Variants in RBM28 observed in about 807,000 individuals in gnomAD.
RBM28 encodes the protein RNA-binding protein 28.
RBM28 carries 78 observed loss-of-function variants against 98.3 expected under a neutral mutation model. The observed-to-expected ratio is 0.79, with a 90% CI of 0.66 to 0.96. The LOEUF is 0.96. Among genes scored for constraint, RBM28 ranks in the 40% least tolerant of loss-of-function variants. The pLI, the probability that RBM28 is intolerant of heterozygous loss-of-function variation, is 0.00. For missense variants in RBM28, 838 were observed against 913.0 expected, an observed-to-expected ratio of 0.92 and a Z score of 1.06; for synonymous variants, 306 against 330.9, an observed-to-expected ratio of 0.92 and a Z score of 0.82.
At chr7:128,337,250 C>T (rs11496082) in intron 5 of RBM28, 48 bp from the exon 6 acceptor site, 268,634 of 1,587,982 alleles carry the variant, frequency 0.17, 24,324 homozygotes, top group Non-Finnish European at 0.18. Context: ...TTTAAAAACC[C>T]TACCTCTGTA....
At chr7:128,314,673 A>G in intron 17 of RBM28, 91 bp downstream of exon 17, 1 of 1,592,870 alleles carries the variant, frequency 6.3e-7, no homozygotes, top group Non-Finnish European at 8.6e-7. Context: ...TTTTCAACCA[A>G]ACAAATGCCA....
chr7:128,341,716 C>CA (rs1248636805), intron 1 of RBM28, among the ~76,000 whole-genome samples: 1 of 152,214 alleles, frequency 6.6e-6, no homozygotes, highest in African/African-American at 2.4e-5. Context: ...GGAGAACTCC[C>CA]ATTCAATGGC....
Position 128,304,778 on chromosome 7 carries a change from T to A in RBM28, c.*6019A>T, listed in dbSNP as rs980167133. On this transcript the variant is annotated 3_prime_UTR_variant, in exon 19 of 19. Transcript: ENST00000223073. ...TCCTGCTGCAGAGCTGAGGGCTGGA[T>A]AATTTCATGTTCTCTGGCAACTGAT... 6.6e-6 allele frequency: 1 copy of A among 152,310 alleles called. No individual in the cohort carries two copies. Among genetic ancestry groups the A allele is most frequent in the African/African-American group, 2.4e-5 (1 of 41,456 alleles). The allele number at this position is 152,310 out of a possible 1,614,324, so 9.4% of individuals were successfully genotyped here. A position where few individuals can be genotyped will look rare whatever the true frequency, so the allele number is the denominator to read the frequency against.
At chr7:128,314,180 T>C (rs1250477224) in intron 17 of RBM28, among the ~76,000 whole-genome samples, 4 of 152,112 alleles carry the variant, frequency 2.6e-5, no homozygotes, top group Admixed American at 1.3e-4. Flanking sequence ...ACCAGGATGG[T>C]CTCGATCTCC....
chr7:128,324,004 A>G (rs1796292937), intron 12 of RBM28, among the ~76,000 whole-genome samples: 1 of 152,192 alleles, frequency 6.6e-6, no homozygotes. Context: ...CTAAACAGTG[A>G]GATAAGCCAG....
chr7:128,343,132 A>G (rs1796764319), intron 1 of RBM28, among the ~76,000 whole-genome samples: 1 of 152,176 alleles, frequency 6.6e-6, no homozygotes, highest in Non-Finnish European at 1.5e-5. Context: ...CCCAGGACCT[A>G]CAACACTTCC....
intron 13 of RBM28, 57 bp from the exon 14 acceptor site, chr7:128,321,481 A>T (rs73230649): frequency 5.0e-6 from 8 of 1,599,988 alleles, no homozygotes; most frequent in Non-Finnish European, 6.8e-6. Flanking sequence ...AGGTAGGCTC[A>T]TAATTCTCCA....
chr7:128,338,301 G>A lies in RBM28; in HGVS notation c.490C>T (p.Leu164Phe), dbSNP rs374367585. Reference protein sequence around the residue: ...RGFGFVQFKNLLEAGKALKGM... With the variant: ...RGFGFVQFKNFLEAGKALKGM... ...TTGAGAGCTTTACCTGCTTCTAGGAGGTTTTTGAACTGAACAAAACCAAAA... is the reference window on the plus strand; with the variant it reads ...TTGAGAGCTTTACCTGCTTCTAGGAAGTTTTTGAACTGAACAAAACCAAAA... Residue 164 changes from leucine to phenylalanine, a missense_variant, in exon 5 of 19, where the codon CTC becomes TTC. Transcript: ENST00000223073. 9 of 1,614,054 alleles carry A rather than the reference G, an allele frequency of 5.6e-6. No individual in the cohort carries two copies. In the African/African-American group the frequency reaches 9.3e-5, roughly 17 times the overall value.
At position 128,321,194 on chromosome 7, in the gene RBM28, A is replaced by C. The variant is rs1300169714; in HGVS notation, c.1563+72T>G. 5 of 1,592,270 alleles carry C rather than the reference A, an allele frequency of 3.1e-6. No homozygotes were observed. In the African/African-American group the frequency reaches 6.7e-5, roughly 21 times the overall value. On this transcript the variant is annotated intron_variant, in intron 14 of 18. Transcript: ENST00000223073. The stretch of plus-strand genomic sequence containing the variant: ...ACAAACAAACAAAATCTGGCACCAC[A>C]GCCTGAGGGAAATGCTTGATCTGAC...
chr7:128,325,565 T>C (rs1033628905), intron 11 of RBM28, among the ~76,000 whole-genome samples: 1 of 152,050 alleles, frequency 6.6e-6, no homozygotes, highest in Admixed American at 6.6e-5. Flanking sequence ...AAGCAACAAA[T>C]ATCAGATACG....
At chr7:128,327,181 G>C (rs1796372433) in intron 10 of RBM28, among the ~76,000 whole-genome samples, 1 of 152,118 alleles carries the variant, frequency 6.6e-6, no homozygotes, top group Non-Finnish European at 1.5e-5. Context: ...TGAAATGGTA[G>C]AGAAATTCCA....
At chr7:128,326,600 T>TAC (rs1342759467) in intron 10 of RBM28, among the ~76,000 whole-genome samples, 2 of 152,198 alleles carry the variant, frequency 1.3e-5, no homozygotes, top group African/African-American at 4.8e-5. Context: ...TAGTAGGCCA[T>TAC]ACCACCTAGG....
At chr7:128,327,016 A>G (rs1305398363) in intron 10 of RBM28, among the ~76,000 whole-genome samples, 1 of 152,124 alleles carries the variant, frequency 6.6e-6, no homozygotes, top group Non-Finnish European at 1.5e-5. Context: ...GCATGCCTAT[A>G]GTCCCAGCTA....
At chr7:128,325,445 T>A (rs1254362515) in intron 11 of RBM28, among the ~76,000 whole-genome samples, 2 of 152,214 alleles carry the variant, frequency 1.3e-5, no homozygotes, top group Non-Finnish European at 2.9e-5. Flanking sequence ...TAATTCTCCA[T>A]CACCCACACA....
rs893082778 is a variant in RBM28, at chr7:128,300,802, G to A, written c.*9995C>T. 6.6e-6 allele frequency: 1 copy of A among 152,328 alleles called. No homozygotes were observed. The highest frequency in any genetic ancestry group is 2.4e-5 in the African/African-American group (1 of 41,456). 9.4% of individuals were successfully genotyped at this position (152,328 alleles called of 1,614,324 possible). A position where few individuals can be genotyped will look rare whatever the true frequency, so the allele number is the denominator to read the frequency against. ...CTGGGCCAGATGCAGGGACTGTCAT[G>A]ATCCCTTAGCAGTGTTTGCTCTGGA... is the stretch of plus-strand genomic sequence containing the variant. On this transcript the variant is annotated 3_prime_UTR_variant, in exon 19 of 19. Transcript: ENST00000223073.
Position 128,313,708 on chromosome 7 carries a change from T to C in RBM28, c.2046-434A>G, listed in dbSNP as rs181299991. Among the ~76,000 whole-genome samples, 74 of 152,158 alleles carry C rather than the reference T, an allele frequency of 4.9e-4. 1 individual carries two copies. Among genetic ancestry groups the C allele is most frequent in the Non-Finnish European group, 4.0e-4 (27 of 67,988 alleles). On this transcript the variant is annotated intron_variant, in intron 17 of 18. Coordinates refer to ENST00000223073, the MANE Select transcript of RBM28 (RefSeq NM_018077.3). ...GTTGAAGGCTGGGCCTGGTGGGAGG[T>C]GACTGGATCATGGGGATGACTCCTT...
intron 6 of RBM28, among the ~76,000 whole-genome samples, chr7:128,336,896 C>A (rs1438956083): frequency 6.6e-6 from 1 of 152,076 alleles, no homozygotes; most frequent in Non-Finnish European, 1.5e-5. Context: ...TGACAGGCGC[C>A]CACCACCAAG....
intron 10 of RBM28, among the ~76,000 whole-genome samples, chr7:128,327,522 C>T (rs1267508396): frequency 3.3e-5 from 5 of 150,380 alleles, no homozygotes; most frequent in Admixed American, 1.3e-4. Flanking sequence ...TTTTTTGAGA[C>T]GGAGTTTCGC....
At position 128,299,057 on chromosome 7, in the gene RBM28, T is replaced by G. The variant is rs1368793802; in HGVS notation, c.*11740A>C. The G allele has an allele frequency of 6.6e-6, 1 of 150,390 alleles. No homozygotes were observed. The highest frequency in any genetic ancestry group is 1.9e-4 in the East Asian group (1 of 5,146). 9.3% of individuals were successfully genotyped at this position (150,390 alleles called of 1,614,324 possible). ...TACCCATATTTGTTTTCATCAGGTATGGTAAGATGACAGACACAGAGAAAA... is the reference window on the plus strand; with the variant it reads ...TACCCATATTTGTTTTCATCAGGTAGGGTAAGATGACAGACACAGAGAAAA... On this transcript the variant is annotated 3_prime_UTR_variant, in exon 19 of 19. Coordinates refer to ENST00000223073, the MANE Select transcript of RBM28 (RefSeq NM_018077.3).
Sources: allele counts gnomAD v4.1 joint callset (sites outside exome capture counted in the v4.1 genomes callset), GRCh38; gene constraint gnomAD v4.1.1; transcripts MANE v1.5; gene names NCBI Gene and HGNC (gene_info 2026-07-23, HGNC 2026-07-21).